Variants in SAMMSON observed in about 807,000 individuals in gnomAD.
The protein encoded by SAMMSON is survival associated mitochondrial melanoma specific oncogenic non-coding RNA.
rs1339455070 is a variant in SAMMSON at position 70,021,171 on chromosome 3, A to G, written n.417+7499A>G. ...TTCAGGGTGGGGAGGTGGGAAGAGA[A>G]GGGAGGATGTGAGACGTGAGAAAAC... On this transcript the variant is annotated intron_variant and non_coding_transcript_variant, in intron 3 of 9. Coordinates refer to ENST00000642114, the Ensembl canonical transcript of SAMMSON. Among the ~76,000 whole-genome samples the G allele has an allele frequency of 2.6e-5, 4 of 152,178 alleles. No homozygotes were observed. In the East Asian group the frequency reaches 7.7e-4, roughly 29 times the overall value.
intron 9 of SAMMSON, among the ~76,000 whole-genome samples, chr3:70,381,199 A>T (rs1703065426): frequency 6.6e-6 from 1 of 152,118 alleles, no homozygotes; most frequent in South Asian, 2.1e-4. Flanking sequence ...CCTCACTCTG[A>T]ATGTTGGGAA....
At chr3:70,062,142 A>G (rs370164862) in intron 3 of SAMMSON, among the ~76,000 whole-genome samples, 34 of 152,108 alleles carry the variant, frequency 2.2e-4, no homozygotes, top group Admixed American at 2.0e-4. Context: ...TCCTCTGCCC[A>G]TGGTGCTGAG....
At chr3:70,241,465 A>G (rs35908063) in intron 4 of SAMMSON, among the ~76,000 whole-genome samples, 1 of 152,000 alleles carries the variant, frequency 6.6e-6, no homozygotes, top group African/African-American at 2.4e-5. Context: ...GAAAAGAATT[A>G]TTAGGGCTAA....
chr3:70,196,653 CT>C (rs1168901457), intron 4 of SAMMSON, among the ~76,000 whole-genome samples: 1 of 152,146 alleles, frequency 6.6e-6, no homozygotes, highest in Non-Finnish European at 1.5e-5. Flanking sequence ...CAAGAAACAT[CT>C]TGTACCTACA....
chr3:70,396,623 G>A (rs773899786), intron 2 of SAMMSON, among the ~76,000 whole-genome samples: 3 of 152,194 alleles, frequency 2.0e-5, no homozygotes, highest in Non-Finnish European at 4.4e-5. Flanking sequence ...TTTCATGTGG[G>A]CAGCTGAATA....
In SAMMSON at chr3:70,116,642, C is replaced by G. The variant is rs533885912; in HGVS notation, n.507+45077C>G. Among the ~76,000 whole-genome samples the G allele has an allele frequency of 2.6e-5, 4 of 151,854 alleles. No individual in the cohort carries two copies. In the South Asian group the frequency reaches 8.3e-4, roughly 32 times the overall value. ...GAATGAATACTTATTCTGAAAAGAC[C>G]CGTCTGAATGGCCACTCTATAACTA... On this transcript the variant is annotated intron_variant and non_coding_transcript_variant, in intron 4 of 9. Transcript: ENST00000642114.
rs1491512573 is a variant in SAMMSON at position 70,419,001 on chromosome 3, CTT to C, written n.234-43557_234-43556del. On this transcript the variant is annotated intron_variant and non_coding_transcript_variant, in intron 2 of 3. Transcript: ENST00000641053. ...TCCTTCTCTCTCTCTCTCTCTCTCT[CTT>C]TCTTTCTTTCTTTCCTTCTTTCTTT... Among the ~76,000 whole-genome samples, 328 of 99,766 alleles carry C rather than the reference CTT, an allele frequency of 3.3e-3. 3 individuals are homozygous for C. The highest frequency in any genetic ancestry group is 0.029 in the East Asian group (88 of 3,028). The allele number at this position is 99,766 out of a possible 152,430, so 65.5% of individuals were successfully genotyped here.
intron 3 of SAMMSON, among the ~76,000 whole-genome samples, chr3:70,040,031 G>A (rs1426655785): frequency 2.0e-5 from 3 of 151,896 alleles, no homozygotes; most frequent in African/African-American, 7.3e-5. Context: ...AACATGATAT[G>A]GTGATTTCAA....
At chr3:70,407,202 A>C (rs1701184203) in intron 2 of SAMMSON, among the ~76,000 whole-genome samples, 1 of 152,328 alleles carries the variant, frequency 6.6e-6, no homozygotes, top group South Asian at 2.1e-4. Flanking sequence ...GTACAATTCA[A>C]GATGAGATTT....
chr3:70,129,001 A>T (rs567456028), intron 4 of SAMMSON, among the ~76,000 whole-genome samples: 1 of 152,332 alleles, frequency 6.6e-6, no homozygotes, highest in Admixed American at 6.5e-5. Context: ...AGGTTTATGT[A>T]AGCATCAAAT....
intron 4 of SAMMSON, among the ~76,000 whole-genome samples, chr3:70,237,388 A>G (rs1701620184): frequency 6.6e-6 from 1 of 152,188 alleles, no homozygotes; most frequent in Admixed American, 6.5e-5. Flanking sequence ...ACCAAATAAA[A>G]AAGCCCATTT....
chr3:70,269,154 T>C (rs1266882656), intron 6 of SAMMSON, among the ~76,000 whole-genome samples: 2 of 152,178 alleles, frequency 1.3e-5, no homozygotes, highest in Admixed American at 6.5e-5. Flanking sequence ...TAAATAGGTA[T>C]TTTTAAACAT....
intron 7 of SAMMSON, among the ~76,000 whole-genome samples, chr3:70,297,600 G>A (rs369893136): frequency 6.6e-5 from 10 of 152,076 alleles, no homozygotes; most frequent in African/African-American, 2.4e-4. Context: ...TCTTTGAAAT[G>A]AAATGCATTA....
intron 4 of SAMMSON, among the ~76,000 whole-genome samples, chr3:70,176,309 T>G (rs917213971): frequency 3.9e-5 from 6 of 152,226 alleles, no homozygotes; most frequent in African/African-American, 1.4e-4. Flanking sequence ...AGAAATGTAC[T>G]TGAAGGAAAC....
intron 7 of SAMMSON, among the ~76,000 whole-genome samples, chr3:70,341,267 G>A (rs1412209384): frequency 6.6e-6 from 1 of 152,054 alleles, no homozygotes; most frequent in Non-Finnish European, 1.5e-5. Flanking sequence ...AGAGCCAGAA[G>A]GATTTGCACA....
intron 2 of SAMMSON, among the ~76,000 whole-genome samples, chr3:70,418,980 TCTCTC>T (rs1701288859): frequency 5.0e-5 from 3 of 59,430 alleles, no homozygotes; most frequent in African/African-American, 2.2e-4. Context: ...CTTCCTTCCT[TCTCTC>T]TCTCTCTCTC....
At chr3:70,042,501 A>G (rs1298059525) in intron 3 of SAMMSON, among the ~76,000 whole-genome samples, 1 of 152,090 alleles carries the variant, frequency 6.6e-6, no homozygotes, top group African/African-American at 2.4e-5. Flanking sequence ...AAAACCTTTG[A>G]GAGACTACTG....
At position 70,231,127 on chromosome 3, in the gene SAMMSON, G is replaced by A. The variant is rs894458740; in HGVS notation, n.508-17980G>A. ...GTAAATGTATTAAAAACACACAAGG[G>A]CATTTTCGTACATGTACGTGAAAAA... On this transcript the variant is annotated intron_variant and non_coding_transcript_variant, in intron 4 of 9. Transcript: ENST00000642114. Among the ~76,000 whole-genome samples the A allele has an allele frequency of 4.6e-5, 7 of 152,270 alleles. No individual in the cohort carries two copies. The East Asian group carries it at 1.4e-3, about 29-fold the overall frequency.
intron 4 of SAMMSON, among the ~76,000 whole-genome samples, chr3:70,086,339 C>G (rs1236188098): frequency 1.3e-5 from 2 of 152,168 alleles, no homozygotes; most frequent in African/African-American, 2.4e-5. Context: ...ATAATTTTCC[C>G]TCATTTTAAC....
Sources: allele counts gnomAD v4.1 joint callset (sites outside exome capture counted in the v4.1 genomes callset), GRCh38; gene constraint gnomAD v4.1.1; transcripts MANE v1.5; gene names NCBI Gene and HGNC (gene_info 2026-07-23, HGNC 2026-07-21).